Variants in TRIM24 observed in about 807,000 individuals in gnomAD.
TRIM24 encodes the protein transcription intermediary factor 1-alpha.
TRIM24 carries 29 observed loss-of-function variants against 123.9 expected under a neutral mutation model. The ratio of observed to expected loss-of-function variants is 0.23; its 90% CI spans 0.17 to 0.32. The LOEUF (loss-of-function observed/expected upper bound fraction) is 0.32. TRIM24 is among the 10% of genes least tolerant of loss of function. The pLI, the probability that TRIM24 is intolerant of heterozygous loss-of-function variation, is 1.00. For synonymous variants in TRIM24, 456 were observed against 461.1 expected (o/e 0.99, Z 0.14); for missense variants, 932 against 1,295.3 (o/e 0.72, Z 4.31).
chr7:138,508,700 C>CGTGT (rs1554436660), intron 2 of TRIM24, among the ~76,000 whole-genome samples: 1 of 35,510 alleles, frequency 2.8e-5, no homozygotes, highest in African/African-American at 7.3e-5. Context: ...TGTGCGCGCG[C>CGTGT]GTGTGTGCGT....
At chr7:138,545,119 C>A (rs1312470018) in intron 7 of TRIM24, among the ~76,000 whole-genome samples, 1 of 152,052 alleles carries the variant, frequency 6.6e-6, no homozygotes, top group Non-Finnish European at 1.5e-5. Flanking sequence ...TGGACCGTAT[C>A]CCCAAGATAT....
intron 7 of TRIM24, 89 bp from the exon 8 acceptor site, chr7:138,550,974 T>A (rs1031659814): frequency 3.7e-5 from 36 of 982,144 alleles, no homozygotes; most frequent in Non-Finnish European, 5.4e-5. Context: ...TGTGTATTGA[T>A]GTACATACCA....
At chr7:138,580,719 T>C (rs775143273) in intron 16 of TRIM24, 25 bp downstream of exon 16, 1 of 1,609,136 alleles carries the variant, frequency 6.2e-7, no homozygotes, top group South Asian at 1.1e-5. Flanking sequence ...AGATGCATTA[T>C]TGTATTGTAG....
chr7:138,537,217 C>T (rs180824592), intron 6 of TRIM24, among the ~76,000 whole-genome samples: 28 of 152,158 alleles, frequency 1.8e-4, no homozygotes, highest in East Asian at 7.7e-4. Context: ...ACTGTACCCA[C>T]GGTCCTGCAC....
intron 9 of TRIM24, among the ~76,000 whole-genome samples, chr7:138,563,604 C>T (rs10224559): frequency 1.6e-4 from 24 of 152,092 alleles, no homozygotes; most frequent in African/African-American, 2.7e-4. Context: ...TTCATGCCTG[C>T]GAAATTTTTT....
chr7:138,477,059 C>CTG (rs34377824), intron 1 of TRIM24, among the ~76,000 whole-genome samples: 12 of 151,722 alleles, frequency 7.9e-5, no homozygotes, highest in African/African-American at 2.9e-4. Flanking sequence ...CTTTGTGTCT[C>CTG]TGTGTGTGTG....
intron 10 of TRIM24, among the ~76,000 whole-genome samples, 189 bp from the exon 11 acceptor site, chr7:138,570,641 T>G (rs1797633827): frequency 7.0e-6 from 1 of 143,058 alleles, no homozygotes; most frequent in South Asian, 2.2e-4. Context: ...TTTTACTGTT[T>G]TGGTTTTTTT....
At position 138,492,273 on chromosome 7, in the gene TRIM24, CAAAAAAAAAAAAAAA is replaced by C. The variant is rs34380067; in HGVS notation, c.365-12006_365-11992del. 8.3e-5 allele frequency among the ~76,000 whole-genome samples: 5 copies of C among 60,028 alleles called. No homozygotes were observed. In the South Asian group the frequency reaches 3.0e-3, roughly 36 times the overall value. 39.4% of individuals were successfully genotyped at this position (60,028 alleles called of 152,430 possible). On this transcript the variant is annotated intron_variant, in intron 1 of 18. Transcript: ENST00000343526. The stretch of plus-strand genomic sequence containing the variant: ...GGGCAACAGGATAATACTCTGTCTC[CAAAAAAAAAAAAAAA>C]AAAAAAAAAAGGGAAAGAAAATAAA...
intron 1 of TRIM24, among the ~76,000 whole-genome samples, chr7:138,466,086 C>T (rs1419138578): frequency 6.6e-6 from 1 of 152,212 alleles, no homozygotes; most frequent in African/African-American, 2.4e-5. Flanking sequence ...TCACTGCAAC[C>T]TCCACCTCCA....
In TRIM24 at chr7:138,559,365, AG is replaced by A. The variant is rs202237033; in HGVS notation, c.1530+4400del. Among the ~76,000 whole-genome samples, 1,222 of 152,294 alleles carry A rather than the reference AG, an allele frequency of 8.0e-3. 17 individuals carry two copies. The highest frequency in any genetic ancestry group is 0.045 in the South Asian group (216 of 4,824). ...CCATGATGGGGATGAGTAGCAACAAAGTAAAGAGTAGCATGTTTATACCCAG... is the reference window on the plus strand; with the variant it reads ...CCATGATGGGGATGAGTAGCAACAAATAAAGAGTAGCATGTTTATACCCAG... On this transcript the variant is annotated intron_variant, in intron 9 of 18. Transcript: ENST00000343526.
intron 9 of TRIM24, among the ~76,000 whole-genome samples, chr7:138,561,936 C>T (rs1413285136): frequency 1.3e-5 from 2 of 152,158 alleles, no homozygotes; most frequent in Non-Finnish European, 2.9e-5. Context: ...CCTGCTGCCC[C>T]TAGGAATTCT....
rs1178477875 is a variant in TRIM24 at position 138,554,652 on chromosome 7, C to T, written c.1262-46C>T. The T allele has an allele frequency of 1.9e-6, 3 of 1,568,274 alleles. No homozygotes were observed. The highest frequency in any genetic ancestry group is 2.6e-6 in the Non-Finnish European group (3 of 1,155,184). On this transcript the variant is annotated intron_variant, in intron 8 of 18. Transcript: ENST00000343526. This position sits in a 1 kb window ranked among gnomAD's most constrained non-coding sequence, Gnocchi z 4.5. ...AGCTTTAGAAAATGTGATATTTCAC[C>T]AACTATCTGAAAAACTGTTTCCCTT...
At chr7:138,490,086 T>C (rs1279104311) in intron 1 of TRIM24, among the ~76,000 whole-genome samples, 1 of 152,208 alleles carries the variant, frequency 6.6e-6, no homozygotes, top group Non-Finnish European at 1.5e-5. Flanking sequence ...CTCTTCTCGC[T>C]TCATTTCATT....
At chr7:138,562,851 C>G (rs1797455354) in intron 9 of TRIM24, among the ~76,000 whole-genome samples, 1 of 152,128 alleles carries the variant, frequency 6.6e-6, no homozygotes. Context: ...TTGGGTCAGT[C>G]AGGTTTAGAG....
intron 2 of TRIM24, 80 bp downstream of exon 2, chr7:138,504,488 T>C: frequency 1.1e-6 from 1 of 871,610 alleles, no homozygotes. Flanking sequence ...CAGAGTCTCA[T>C]TCATTCTGTT....
chr7:138,585,302 T>C lies in TRIM24; in HGVS notation c.*351T>C, dbSNP rs1797991543. 1.2e-5 allele frequency: 3 copies of C among 251,326 alleles called. No individual in the cohort carries two copies. The highest frequency in any genetic ancestry group is 2.3e-5 in the Non-Finnish European group (3 of 130,858). The allele number at this position is 251,326 out of a possible 1,614,324, so 15.6% of individuals were successfully genotyped here. On this transcript the variant is annotated 3_prime_UTR_variant, in exon 19 of 19. Transcript: ENST00000343526. Reference sequence around the variant, plus strand: ...GCTACTGTAGAAAGGAAATAGACTTTGTATGAACTCTTTAAGTTGAAAAGT... The same window carrying C: ...GCTACTGTAGAAAGGAAATAGACTTCGTATGAACTCTTTAAGTTGAAAAGT...
intron 1 of TRIM24, among the ~76,000 whole-genome samples, chr7:138,479,805 A>T (rs1795487156): frequency 6.8e-6 from 1 of 146,572 alleles, no homozygotes; most frequent in Non-Finnish European, 1.5e-5. Flanking sequence ...TGCGCCCGGC[A>T]TTTATTTTAT....
At chr7:138,584,025 A>C in intron 18 of TRIM24, 26 bp downstream of exon 18, 1 of 1,585,292 alleles carries the variant, frequency 6.3e-7, no homozygotes, top group Non-Finnish European at 8.5e-7. Flanking sequence ...GGAAGGGGGC[A>C]GGAAGGAACA....
chr7:138,468,517 C>T (rs1433413566), intron 1 of TRIM24, among the ~76,000 whole-genome samples: 1 of 151,518 alleles, frequency 6.6e-6, no homozygotes, highest in Non-Finnish European at 1.5e-5. Context: ...GCTTTTACTT[C>T]TAGCTTTTTA....
Sources: gnomAD v4.1 joint callset for allele counts (sites outside exome capture counted in the v4.1 genomes callset) on GRCh38, gnomAD v4.1.1 for gene constraint, Gnocchi (gnomAD v3.1) non-coding constraint, MANE v1.5 for transcripts, NCBI Gene and HGNC (gene_info 2026-07-23, HGNC 2026-07-21) for gene names.